Variants in ZNF257 observed in about 807,000 individuals in gnomAD.
The protein encoded by ZNF257 is bone marrow zinc finger 4.
A neutral mutation model predicts 11.9 loss-of-function variants in ZNF257; 12 were observed. That is an observed-to-expected ratio of 1.01 (90% confidence interval 0.65 to 1.63). ZNF257 has a LOEUF of 1.63. Ranked by LOEUF, ZNF257 falls within the 40% of genes most tolerant of loss-of-function variation. The pLI, the probability that ZNF257 is intolerant of heterozygous loss-of-function variation, is 0.00. For synonymous variants in ZNF257, 183 were observed against 222.7 expected (o/e 0.82, Z 1.59); for missense variants, 580 against 665.5 (o/e 0.87, Z 1.41).
At chr19:22,085,369 C>T (rs1303127851) in intron 3 of ZNF257, among the ~76,000 whole-genome samples, 4 of 152,014 alleles carry the variant, frequency 2.6e-5, no homozygotes, top group Non-Finnish European at 5.9e-5. Context: ...ATGCCTGGCT[C>T]AAAATTTTAG....
chr19:22,057,927 A>AT (rs2021686759), intron 1 of ZNF257, among the ~76,000 whole-genome samples: 1 of 151,974 alleles, frequency 6.6e-6, no homozygotes, highest in Admixed American at 6.6e-5. Context: ...GTCTGGCTAA[A>AT]TTTTTTGTAT....
chr19:22,056,625 G>A (rs978704489), intron 1 of ZNF257, among the ~76,000 whole-genome samples: 2 of 151,698 alleles, frequency 1.3e-5, no homozygotes, highest in Non-Finnish European at 2.9e-5. Flanking sequence ...ACAGGCACCC[G>A]CTACCATGTC....
intron 3 of ZNF257, among the ~76,000 whole-genome samples, chr19:22,083,536 C>T (rs149547721): frequency 0.012 from 1,866 of 152,206 alleles, 20 homozygotes; most frequent in Non-Finnish European, 0.021. Flanking sequence ...GTCAAAAACA[C>T]ATAATAATTT....
At chr19:22,054,096 G>A (rs1310270295) in intron 1 of ZNF257, among the ~76,000 whole-genome samples, 4 of 148,492 alleles carry the variant, frequency 2.7e-5, no homozygotes, top group Non-Finnish European at 1.5e-5. Context: ...TTTTTAAGAA[G>A]GAGTTTCACT....
At chr19:22,061,498 C>G (rs183691659) in intron 1 of ZNF257, among the ~76,000 whole-genome samples, 1 of 152,014 alleles carries the variant, frequency 6.6e-6, no homozygotes, top group Non-Finnish European at 1.5e-5. Flanking sequence ...TATCCTGAAA[C>G]TTTTCTGCAG....
At position 22,090,054 on chromosome 19, in the gene ZNF257, A is replaced by T. The variant is rs2022591729; in HGVS notation, c.*612A>T. 1 of 153,968 alleles carries T rather than the reference A, an allele frequency of 6.5e-6. No individual in the cohort carries two copies. The highest frequency in any genetic ancestry group is 2.0e-4 in the South Asian group (1 of 4,994). 9.5% of individuals were successfully genotyped at this position (153,968 alleles called of 1,614,324 possible). On this transcript the variant is annotated 3_prime_UTR_variant, in exon 4 of 4. Transcript: ENST00000594947. ...CCAAGTGTGAAGAATATAACTTTTA[A>T]CCAGTGTTCACAACTTATTGTACAG...
rs577727704 is a variant in ZNF257, at chr19:22,091,377, G to T, written c.*1935G>T. 6.7e-6 allele frequency: 1 copy of T among 148,484 alleles called. No individual in the cohort carries two copies. The highest frequency in any genetic ancestry group is 1.5e-5 in the Non-Finnish European group (1 of 67,598). The allele number at this position is 148,484 out of a possible 1,614,324, so 9.2% of individuals were successfully genotyped here. On this transcript the variant is annotated 3_prime_UTR_variant, in exon 4 of 4. Coordinates refer to ENST00000594947, the MANE Select transcript of ZNF257 (RefSeq NM_033468.4). The stretch of plus-strand genomic sequence containing the variant: ...TGGGAGATTGAGGCAAGAGAATCAC[G>T]TGTACCCAGGAGGCAGAGGTTGCAG...
intron 3 of ZNF257, among the ~76,000 whole-genome samples, chr19:22,080,363 C>T (rs770937913): frequency 6.6e-6 from 1 of 152,138 alleles, no homozygotes; most frequent in Non-Finnish European, 1.5e-5. Context: ...TTGGCACCAT[C>T]CTCTTTGTAA....
rs534198378 is a variant in ZNF257 at position 22,062,447 on chromosome 19, G to C, written c.3+9812G>C. ...CTTTGCTAAGGATTTTTACATCAAT[G>C]TTTGTGAAGGATATTGGCCTGAAGT... On this transcript the variant is annotated intron_variant, in intron 1 of 3. Coordinates refer to ENST00000594947, the MANE Select transcript of ZNF257 (RefSeq NM_033468.4). 5.4e-5 allele frequency among the ~76,000 whole-genome samples: 8 copies of C among 149,362 alleles called. No individual in the cohort carries two copies. In the South Asian group the frequency reaches 1.7e-3, roughly 32 times the overall value.
At chr19:22,079,573 A>G (rs1166816534) in intron 3 of ZNF257, among the ~76,000 whole-genome samples, 2 of 152,134 alleles carry the variant, frequency 1.3e-5, no homozygotes, top group Non-Finnish European at 2.9e-5. Context: ...ACTCCCCTCT[A>G]TAAACCCATC....
intron 3 of ZNF257, chr19:22,074,510 C>G (rs1362452101): frequency 6.6e-6 from 1 of 152,104 alleles, no homozygotes. Context: ...CGCCACCATG[C>G]CTGGCTAATT....
At chr19:22,076,101 A>G (rs560273035) in intron 3 of ZNF257, among the ~76,000 whole-genome samples, 15 of 152,110 alleles carry the variant, frequency 9.9e-5, no homozygotes, top group Non-Finnish European at 2.1e-4. Flanking sequence ...ATTAGTAGGC[A>G]TTCCATATTT....
In ZNF257 at chr19:22,080,626, G is replaced by A. The variant is rs139565746; in HGVS notation, c.226+7062G>A. On this transcript the variant is annotated intron_variant, in intron 3 of 3. Transcript: ENST00000594947. Reference sequence around the variant, plus strand: ...TAAATTATCTACTATCAGGCTTCCTGTGTATTCAAAATAATTTATACAGTC... The same window carrying A: ...TAAATTATCTACTATCAGGCTTCCTATGTATTCAAAATAATTTATACAGTC... Among the ~76,000 whole-genome samples, 14 of 151,614 alleles carry A rather than the reference G, an allele frequency of 9.2e-5. No homozygotes were observed. In the East Asian group the frequency reaches 1.7e-3, roughly 19 times the overall value.
At position 22,089,649 on chromosome 19, in the gene ZNF257, T is replaced by A; in HGVS notation, c.*207T>A. ...GAAATGTGATGAATGTGGCATAGCC[T>A]CTTCCCAGTTCTCAACTCTTACTAA... On this transcript the variant is annotated 3_prime_UTR_variant, in exon 4 of 4. Transcript: ENST00000594947. 7.7e-7 allele frequency: 1 copy of A among 1,306,136 alleles called. No individual in the cohort carries two copies. The highest frequency in any genetic ancestry group is 1.0e-6 in the Non-Finnish European group (1 of 986,530). The allele number at this position is 1,306,136 out of a possible 1,614,324, so 80.9% of individuals were successfully genotyped here.
chr19:22,091,480 A>AAAG (rs56061190), downstream of ZNF257: 12 of 151,274 alleles, frequency 7.9e-5, no homozygotes, highest in African/African-American at 2.9e-4. Context: ...AAAAAAAAAA[A>AAAG]GACTTGTGCA....
At chr19:22,080,634 A>G (rs1370822585) in intron 3 of ZNF257, among the ~76,000 whole-genome samples, 1 of 151,914 alleles carries the variant, frequency 6.6e-6, no homozygotes, top group Non-Finnish European at 1.5e-5. Context: ...CTGTGTATTC[A>G]AAATAATTTA....
At chr19:22,075,985 G>GT (rs1346115196) in intron 3 of ZNF257, 1 of 152,016 alleles carries the variant, frequency 6.6e-6, no homozygotes, top group Non-Finnish European at 1.5e-5. Flanking sequence ...CTTTCTATAA[G>GT]TTTTTAATTT....
At position 22,052,520 on chromosome 19, in the gene ZNF257, G is replaced by T; in HGVS notation, c.-113G>T. On this transcript the variant is annotated 5_prime_UTR_variant, in exon 1 of 4. Coordinates refer to ENST00000594947, the MANE Select transcript of ZNF257 (RefSeq NM_033468.4). ...CGCTCTAGCCCGAGCTGCAGGTCTC[G>T]TCTTCCCTGGTCTGTGTCCTCTTCT... The T allele has an allele frequency of 2.3e-6, 3 of 1,329,880 alleles. No homozygotes were observed. Among genetic ancestry groups the T allele is most frequent in the Admixed American group, 3.5e-5 (2 of 56,366 alleles). 82.4% of individuals were successfully genotyped at this position (1,329,880 alleles called of 1,614,324 possible).
intron 3 of ZNF257, 117 bp from the exon 4 acceptor site, chr19:22,087,860 G>A (rs2022510422): frequency 1.1e-6 from 1 of 909,142 alleles, no homozygotes; most frequent in African/African-American, 1.7e-5. Flanking sequence ...TAGAGCCTGT[G>A]GTATTTTGCT....
Sources: gnomAD v4.1 joint callset for allele counts (sites outside exome capture counted in the v4.1 genomes callset) on GRCh38, gnomAD v4.1.1 for gene constraint, MANE v1.5 for transcripts, NCBI Gene and HGNC (gene_info 2026-07-23, HGNC 2026-07-21) for gene names.